MAD1L1: variants seen among roughly 807,000 people sequenced by gnomAD.
MAD1L1 encodes the protein mitotic spindle assembly checkpoint protein MAD1.
Under a neutral mutation model 96.9 loss-of-function variants are expected in MAD1L1, and 95 were observed. That is an observed-to-expected ratio of 0.98 (90% CI 0.83 to 1.16). The LOEUF is 1.16. Among genes scored for constraint, MAD1L1 ranks in the 50% most tolerant of loss-of-function variants. The pLI, the probability that MAD1L1 is intolerant of heterozygous loss-of-function variation, is 0.00. For synonymous variants in MAD1L1, 473 were observed against 396.6 expected (o/e 1.19, Z -2.29); for missense variants, 1,007 against 954.4 (o/e 1.06, Z -0.73).
chr7:2,075,217 G>A (rs1292388956), intron 11 of MAD1L1, among the ~76,000 whole-genome samples: 4 of 152,170 alleles, frequency 2.6e-5, no homozygotes, highest in South Asian at 2.1e-4. Flanking sequence ...CAAAGTGGAC[G>A]GCCCCAGAGT....
intron 15 of MAD1L1, among the ~76,000 whole-genome samples, chr7:1,963,068 C>G (rs533058293): frequency 6.6e-6 from 1 of 152,252 alleles, no homozygotes; most frequent in Admixed American, 6.5e-5. Flanking sequence ...ACGTTACACA[C>G]GTGACCGCCA....
intron 11 of MAD1L1, among the ~76,000 whole-genome samples, chr7:2,093,083 AT>A (rs1419366056): frequency 1.1e-4 from 16 of 151,346 alleles, no homozygotes; most frequent in African/African-American, 2.2e-4. Flanking sequence ...AAAAAAAAAA[AT>A]ATATACAAAA....
At chr7:1,931,849 C>T (rs1789499328) in intron 17 of MAD1L1, among the ~76,000 whole-genome samples, 1 of 152,246 alleles carries the variant, frequency 6.6e-6, no homozygotes, top group African/African-American at 2.4e-5. Context: ...TTCCCACGCA[C>T]TCAGCCTTCT....
At chr7:2,181,241 G>A (rs1637758) in intron 10 of MAD1L1, among the ~76,000 whole-genome samples, 7,910 of 152,262 alleles carry the variant, frequency 0.052, 718 homozygotes, top group African/African-American at 0.18. Context: ...CGAATTTTGC[G>A]GCAACTCTGG....
intron 11 of MAD1L1, among the ~76,000 whole-genome samples, chr7:2,143,590 T>C (rs1426888412): frequency 2.0e-5 from 3 of 151,782 alleles, no homozygotes; most frequent in African/African-American, 4.8e-5. Flanking sequence ...GAGTCCCTTA[T>C]GCTTGACAAG....
At chr7:1,888,061 G>T (rs533416822) in intron 18 of MAD1L1, among the ~76,000 whole-genome samples, 1 of 149,022 alleles carries the variant, frequency 6.7e-6, no homozygotes. Flanking sequence ...GCCTTCATCC[G>T]TGTGGGTGGC....
At chr7:2,094,889 C>G (rs1336711826) in intron 11 of MAD1L1, among the ~76,000 whole-genome samples, 2 of 152,186 alleles carry the variant, frequency 1.3e-5, no homozygotes, top group Admixed American at 6.5e-5. Context: ...CTCAGCTGAT[C>G]ACGCTGTTTC....
At chr7:2,030,834 C>T (rs1402510571) in intron 12 of MAD1L1, among the ~76,000 whole-genome samples, 3 of 152,234 alleles carry the variant, frequency 2.0e-5, no homozygotes, top group Non-Finnish European at 4.4e-5. Context: ...AGCCCCCAAC[C>T]TGCGCCTGGT....
chr7:2,078,401 G>A (rs964780089), intron 11 of MAD1L1, among the ~76,000 whole-genome samples: 23 of 152,322 alleles, frequency 1.5e-4, no homozygotes, highest in African/African-American at 4.8e-4. Context: ...AGACGCGTGC[G>A]TCCGTCGTGA....
At position 2,225,504 on chromosome 7, in the gene MAD1L1, T is replaced by G; in HGVS notation, c.197A>C (p.Gln66Pro). 6.2e-7 allele frequency: 1 copy of G among 1,614,118 alleles called. No individual in the cohort carries two copies. The highest frequency in any genetic ancestry group is 8.5e-7 in the Non-Finnish European group (1 of 1,180,032). The change falls in exon 4 of 19, where the codon CAG becomes CCG. Residue 66 changes from glutamine (Q) to proline (P), a missense_variant. By Grantham distance (76) the Gln-to-Pro change is moderately conservative. Transcript: ENST00000265854. ...EQIRSKSHLI[Q>P]VEREKMQMEL... ...CATCTGCATTTTCTCCCGCTCCACC[T>G]GGATGAGGTGGGACTTCGAACGGAT... is the stretch of plus-strand genomic sequence containing the variant.
chr7:2,223,939 G>A (rs1409361937), intron 4 of MAD1L1, among the ~76,000 whole-genome samples: 2 of 152,310 alleles, frequency 1.3e-5, no homozygotes, highest in East Asian at 1.9e-4. Context: ...GTGTCTGCGG[G>A]CAAGGAAGGA....
chr7:1,834,019 T>G (rs1254337621), intron 18 of MAD1L1, among the ~76,000 whole-genome samples: 3 of 152,202 alleles, frequency 2.0e-5, no homozygotes, highest in Non-Finnish European at 1.5e-5. Context: ...GAGAAATTAG[T>G]AACAGAACGG....
chr7:2,023,095 G>T (rs1782854754), intron 12 of MAD1L1, among the ~76,000 whole-genome samples: 2 of 152,170 alleles, frequency 1.3e-5, no homozygotes. Context: ...ACAGTTGGAG[G>T]CTTCAACACC....
At chr7:2,166,575 C>T (rs994020943) in intron 10 of MAD1L1, among the ~76,000 whole-genome samples, 3 of 152,226 alleles carry the variant, frequency 2.0e-5, no homozygotes, top group African/African-American at 4.8e-5. Flanking sequence ...ATGCTTTAAA[C>T]GTTCAAAAAG....
chr7:2,000,547 C>T (rs1781747061), intron 14 of MAD1L1, among the ~76,000 whole-genome samples: 1 of 152,226 alleles, frequency 6.6e-6, no homozygotes. Flanking sequence ...TTTCCACCAC[C>T]AACAGTCGGG....
At chr7:1,888,010 T>G (rs1057163084) in intron 18 of MAD1L1, among the ~76,000 whole-genome samples, 5 of 73,146 alleles carry the variant, frequency 6.8e-5, no homozygotes, top group Non-Finnish European at 1.3e-4. Context: ...TGGCTGCCTG[T>G]ACGTGTGTGT....
intron 18 of MAD1L1, among the ~76,000 whole-genome samples, chr7:1,893,674 T>C (rs113110803): frequency 6.6e-6 from 1 of 152,160 alleles, no homozygotes; most frequent in African/African-American, 2.4e-5. Flanking sequence ...CCCCTGAGGA[T>C]GCCTTTCTGA....
intron 3 of MAD1L1, among the ~76,000 whole-genome samples, chr7:2,226,090 A>G (rs762312485): frequency 2.6e-5 from 4 of 152,180 alleles, no homozygotes; most frequent in African/African-American, 4.8e-5. Context: ...CTCTCCTGCT[A>G]TGTCTCTTGA....
chr7:1,845,391 A>G (rs1405049575), intron 18 of MAD1L1: 1 of 152,318 alleles, frequency 6.6e-6, no homozygotes, highest in African/African-American at 2.4e-5. Flanking sequence ...AACCACAAAC[A>G]GCAGCTCGGA....
Sources: gnomAD v4.1 joint callset for allele counts (sites outside exome capture counted in the v4.1 genomes callset) on GRCh38, gnomAD v4.1.1 for gene constraint, MANE v1.5 for transcripts, NCBI Gene and HGNC (gene_info 2026-07-23, HGNC 2026-07-21) for gene names.